The following OSR2 variants were observed in gnomAD, a reference collection of about 807,000 sequenced individuals.
OSR2 encodes the protein odd-skipped related transciption factor 2, also known as protein odd-skipped-related 2.
A neutral mutation model predicts 22.3 loss-of-function variants in OSR2; 8 were observed. That is an observed-to-expected ratio of 0.36 (90% CI 0.21 to 0.65). The LOEUF (loss-of-function observed/expected upper bound fraction) is 0.65, where lower values mean the gene tolerates loss of function less well. Among genes scored for constraint, OSR2 ranks in the 30% least tolerant of loss-of-function variants. OSR2 has a pLI of 0.66. For missense variants in OSR2, 311 were observed against 413.4 expected (o/e 0.75, Z 2.15); for synonymous variants, 179 against 173.8 (o/e 1.03, Z -0.23).
rs1367570353 is a variant in OSR2 at position 98,948,337 on chromosome 8, G to T, written c.-114-502G>T. On this transcript the variant is annotated intron_variant, in intron 1 of 3. Coordinates refer to ENST00000297565, the MANE Select transcript of OSR2 (RefSeq NM_001142462.3). The surrounding 1 kb of genome is among the most constrained non-coding windows in gnomAD (Gnocchi z 6.0). ...AGCGCGGGAAAGGCGGCCACAGGGCGCGGCGGCAGCGCAGCGCGTGGGATC... is the reference window on the plus strand; with the variant it reads ...AGCGCGGGAAAGGCGGCCACAGGGCTCGGCGGCAGCGCAGCGCGTGGGATC... The T allele has an allele frequency of 2.6e-6, 4 of 1,522,644 alleles. No individual in the cohort carries two copies. The highest frequency in any genetic ancestry group is 3.5e-6 in the Non-Finnish European group (4 of 1,139,186). 94.3% of individuals were successfully genotyped at this position (1,522,644 alleles called of 1,614,324 possible). A position where few individuals can be genotyped will look rare whatever the true frequency, so the allele number is the denominator to read the frequency against.
intron 1 of OSR2, among the ~76,000 whole-genome samples, chr8:98,945,764 A>AT (rs1056665173): frequency 1.2e-4 from 18 of 151,864 alleles, no homozygotes; most frequent in South Asian, 2.1e-4. Context: ...TCCTTTAACA[A>AT]TTTTTTTTCT....
chr8:98,947,592 G>T (rs1201307271), intron 1 of OSR2, among the ~76,000 whole-genome samples: 1 of 152,202 alleles, frequency 6.6e-6, no homozygotes, highest in East Asian at 1.9e-4. Context: ...AGTGGGAGAA[G>T]GTGGGCCCGC....
At chr8:98,947,852 C>G (rs1840655190) in intron 1 of OSR2, among the ~76,000 whole-genome samples, 1 of 152,180 alleles carries the variant, frequency 6.6e-6, no homozygotes, top group African/African-American at 2.4e-5. Flanking sequence ...GCTCTCCTCT[C>G]TCCTCTCCCC....
rs1168126373 is a variant in OSR2 at position 98,951,995 on chromosome 8, T to C, written c.*294T>C. 2.5e-5 allele frequency: 7 copies of C among 280,290 alleles called. No homozygotes were observed. The highest frequency in any genetic ancestry group is 4.0e-5 in the Non-Finnish European group (6 of 150,582). The allele number at this position is 280,290 out of a possible 1,614,324, so 17.4% of individuals were successfully genotyped here. Reference sequence around the variant, plus strand: ...TGGGTCTTTGTTTTGTTGTTTTGTTTGCTTTGGGATCTTGTTGGATGCACT... The same window carrying C: ...TGGGTCTTTGTTTTGTTGTTTTGTTCGCTTTGGGATCTTGTTGGATGCACT... On this transcript the variant is annotated 3_prime_UTR_variant, in exon 4 of 4. Transcript: ENST00000297565.
Position 98,951,719 on chromosome 8 carries a change from C to G in OSR2, c.*18C>G. The G allele has an allele frequency of 6.3e-7, 1 of 1,598,964 alleles. No homozygotes were observed. On this transcript the variant is annotated 3_prime_UTR_variant, in exon 4 of 4. Coordinates refer to ENST00000297565, the MANE Select transcript of OSR2 (RefSeq NM_001142462.3). Reference sequence around the variant, plus strand: ...ACTTCTAGAGAAGCCCAGGATCTGTCCCGTGCCGCCGCTGCTCCCCTCCCC... The same window carrying G: ...ACTTCTAGAGAAGCCCAGGATCTGTGCCGTGCCGCCGCTGCTCCCCTCCCC...
rs778066542 is a variant in OSR2, at chr8:98,949,014, A to T, written c.62A>T (p.Tyr21Phe). ...CACCCGTCGCTGCAGCTCACCAATTACTCCTTCCTGCAGGCCGTGAACACC... is the reference window on the plus strand; with the variant it reads ...CACCCGTCGCTGCAGCTCACCAATTTCTCCTTCCTGCAGGCCGTGAACACC... ...PLHPSLQLTNYSFLQAVNTFP... is the reference protein window; with the variant it reads ...PLHPSLQLTNFSFLQAVNTFP... The change falls in exon 2 of 4, where the codon TAC becomes TTC. Residue 21 changes from tyrosine to phenylalanine, a missense_variant. Physicochemically the swap from Tyr to Phe is conservative, Grantham distance 22 (BLOSUM62 3). Transcript: ENST00000297565. This position sits in a 1 kb window ranked among gnomAD's most constrained non-coding sequence, Gnocchi z 5.9. 3 of 1,613,102 alleles carry T rather than the reference A, an allele frequency of 1.9e-6. No individual in the cohort carries two copies. Among genetic ancestry groups the T allele is most frequent in the Non-Finnish European group, 2.5e-6 (3 of 1,179,740 alleles).
Position 98,949,187 on chromosome 8 carries a change from G to A in OSR2, c.235G>A (p.Val79Met). 2 of 1,594,674 alleles carry A rather than the reference G, an allele frequency of 1.3e-6. No homozygotes were observed. The highest frequency in any genetic ancestry group is 8.5e-7 in the Non-Finnish European group (1 of 1,169,942). The change falls in exon 2 of 4, where the codon GTG becomes ATG. Residue 79 changes from valine to methionine, a missense_variant. Val to Met is a conservative substitution (Grantham distance 21). Coordinates refer to ENST00000297565, the MANE Select transcript of OSR2 (RefSeq NM_001142462.3). This position sits in a 1 kb window ranked among gnomAD's most constrained non-coding sequence, Gnocchi z 5.9. ...ITEMAAAQGL[V>M]DARFPFPALP... ...GGAGATGGCGGCGGCGCAGGGCCTC[G>A]TGGACGCGCGCTTCCCCTTCCCGGC...
At position 98,948,317 on chromosome 8, in the gene OSR2, G is replaced by T; in HGVS notation, c.-114-522G>T. ...GCCGGCTTGCCATCCGGGTAAGCGC[G>T]GGAAAGGCGGCCACAGGGCGCGGCG... On this transcript the variant is annotated intron_variant, in intron 1 of 3. Coordinates refer to ENST00000297565, the MANE Select transcript of OSR2 (RefSeq NM_001142462.3). The surrounding 1 kb of genome is among the most constrained non-coding windows in gnomAD (Gnocchi z 6.0). The T allele has an allele frequency of 1.3e-6, 2 of 1,524,668 alleles. No individual in the cohort carries two copies. The highest frequency in any genetic ancestry group is 1.8e-6 in the Non-Finnish European group (2 of 1,140,244). The allele number at this position is 1,524,668 out of a possible 1,614,324, so 94.4% of individuals were successfully genotyped here. A position where few individuals can be genotyped will look rare whatever the true frequency, so the allele number is the denominator to read the frequency against.
chr8:98,947,257 A>G (rs1478308628), intron 1 of OSR2, among the ~76,000 whole-genome samples: 2 of 151,908 alleles, frequency 1.3e-5, no homozygotes, highest in Non-Finnish European at 2.9e-5. Flanking sequence ...GAGCCCTTCC[A>G]GAGGAAGGTG....
Position 98,949,600 on chromosome 8 carries a change from G to A in OSR2, c.648G>A (p.Arg216=). 6.2e-7 allele frequency: 1 copy of A among 1,609,404 alleles called. No individual in the cohort carries two copies. Among genetic ancestry groups the A allele is most frequent in the Non-Finnish European group, 8.5e-7 (1 of 1,176,674 alleles). ...CCTTCCGGAGGCAAGATCACCTGCG[G>A]GATCACAGGTGAGGCGGGCAAGGAG... is the stretch of plus-strand genomic sequence containing the variant. The part of the protein sequence containing the change: ...HKAFRRQDHL[R]DHRYIHSKEK... The change falls in exon 2 of 4, where the codon CGG becomes CGA. Residue 216 remains arginine (R), a synonymous_variant. Transcript: ENST00000297565. The surrounding 1 kb of genome is among the most constrained non-coding windows in gnomAD (Gnocchi z 5.9).
Position 98,949,477 on chromosome 8 carries a change from G to A in OSR2, c.525G>A (p.Lys175=). 6.2e-7 allele frequency: 1 copy of A among 1,614,066 alleles called. No individual in the cohort carries two copies. Among genetic ancestry groups the A allele is most frequent in the Non-Finnish European group, 8.5e-7 (1 of 1,179,900 alleles). The change falls in exon 2 of 4, where the codon AAG becomes AAA. Residue 175 remains lysine, a synonymous_variant. Coordinates refer to ENST00000297565, the MANE Select transcript of OSR2 (RefSeq NM_001142462.3). The surrounding 1 kb of genome is among the most constrained non-coding windows in gnomAD (Gnocchi z 5.9). Reference sequence around the variant, plus strand: ...AAACGAAAAAAGAGTTTATCTGCAAGTTTTGCGGCAGACACTTTACCAAAT... The same window carrying A: ...AAACGAAAAAAGAGTTTATCTGCAAATTTTGCGGCAGACACTTTACCAAAT... ...PSKTKKEFIC[K]FCGRHFTKSY...
In OSR2 at chr8:98,948,549, G is replaced by A; in HGVS notation, c.-114-290G>A. On this transcript the variant is annotated intron_variant, in intron 1 of 3. Transcript: ENST00000297565. This position sits in a 1 kb window ranked among gnomAD's most constrained non-coding sequence, Gnocchi z 6.0. ...CCGGCTGTCCGCCTTTCGTTTTCCT[G>A]GGACCGAGGAGTCTTCCGCTCCGTA... 7.7e-7 allele frequency: 1 copy of A among 1,291,172 alleles called. No homozygotes were observed. Among genetic ancestry groups the A allele is most frequent in the Non-Finnish European group, 1.0e-6 (1 of 975,534 alleles). The allele number at this position is 1,291,172 out of a possible 1,614,324, so 80.0% of individuals were successfully genotyped here. A position where few individuals can be genotyped will look rare whatever the true frequency, so the allele number is the denominator to read the frequency against.
In OSR2 at chr8:98,949,274, G is replaced by A. The variant is rs1289273506; in HGVS notation, c.322G>A (p.Ala108Thr). The A allele has an allele frequency of 6.2e-7, 1 of 1,612,630 alleles. No individual in the cohort carries two copies. Among genetic ancestry groups the A allele is most frequent in the Non-Finnish European group, 8.5e-7 (1 of 1,179,120 alleles). Residue 108 changes from alanine (A) to threonine (T), a missense_variant, in exon 2 of 4, where the codon GCC becomes ACC. Transcript: ENST00000297565. The surrounding 1 kb of genome is among the most constrained non-coding windows in gnomAD (Gnocchi z 5.9). ...KQGAIAHVLPALHKDRPRFDF... is the reference protein window; with the variant it reads ...KQGAIAHVLPTLHKDRPRFDF... Reference sequence around the variant, plus strand: ...GGGGGCCATTGCCCACGTCCTCCCAGCCCTGCACAAGGACCGGCCCCGTTT... The same window carrying A: ...GGGGGCCATTGCCCACGTCCTCCCAACCCTGCACAAGGACCGGCCCCGTTT...
Position 98,951,836 on chromosome 8 carries a change from C to G in OSR2, c.*135C>G, listed in dbSNP as rs1840793023. 1 of 816,898 alleles carries G rather than the reference C, an allele frequency of 1.2e-6. No homozygotes were observed. Among genetic ancestry groups the G allele is most frequent in the African/African-American group, 1.7e-5 (1 of 58,014 alleles). 50.6% of individuals were successfully genotyped at this position (816,898 alleles called of 1,614,324 possible). On this transcript the variant is annotated 3_prime_UTR_variant, in exon 4 of 4. Coordinates refer to ENST00000297565, the MANE Select transcript of OSR2 (RefSeq NM_001142462.3). ...CCTTGCTGCAGCCGCACCTGCAGCT[C>G]CAGGGAGTTAACTCTTCTTCTGGGG...
At position 98,950,657 on chromosome 8, in the gene OSR2, T is replaced by C. The variant is rs983224651; in HGVS notation, c.658T>C (p.Tyr220His). 1 of 1,602,480 alleles carries C rather than the reference T, an allele frequency of 6.2e-7. No individual in the cohort carries two copies. The highest frequency in any genetic ancestry group is 1.3e-5 in the African/African-American group (1 of 74,786). The change falls in exon 3 of 4, where the codon TAC becomes CAC. Residue 220 changes from tyrosine (Y) to histidine (H), a missense_variant and splice_region_variant. Physicochemically the swap from Tyr to His is moderately conservative, Grantham distance 83. Transcript: ENST00000297565. ...ATGAAACCTTATATTGATTTTCAGA[T>C]ACATCCATTCCAAAGAAAAACCCTT... ...RRQDHLRDHR[Y>H]IHSKEKPFKC...
chr8:98,950,646 T>C lies in OSR2; in HGVS notation c.657-10T>C. ...AAGTTATTTCAATGAAACCTTATAT[T>C]GATTTTCAGATACATCCATTCCAAA... On this transcript the variant is annotated splice_polypyrimidine_tract_variant and intron_variant, in intron 2 of 3. Coordinates refer to ENST00000297565, the MANE Select transcript of OSR2 (RefSeq NM_001142462.3). 1 of 1,580,480 alleles carries C rather than the reference T, an allele frequency of 6.3e-7. No individual in the cohort carries two copies. Among genetic ancestry groups the C allele is most frequent in the Non-Finnish European group, 8.7e-7 (1 of 1,152,468 alleles).
Position 98,947,045 on chromosome 8 carries a change from G to A in OSR2, c.-114-1794G>A, listed in dbSNP as rs184771591. Among the ~76,000 whole-genome samples, 462 of 151,966 alleles carry A rather than the reference G, an allele frequency of 3.0e-3. 2 individuals carry two copies. The highest frequency in any genetic ancestry group is 0.014 in the Middle Eastern group (4 of 294). On this transcript the variant is annotated intron_variant, in intron 1 of 3. Coordinates refer to ENST00000297565, the MANE Select transcript of OSR2 (RefSeq NM_001142462.3). Reference sequence around the variant, plus strand: ...AATGTTAGTAGAATCCTTTTCCCCTGCCTCCCTAAGAGACTTGCCACCGAG... The same window carrying A: ...AATGTTAGTAGAATCCTTTTCCCCTACCTCCCTAAGAGACTTGCCACCGAG...
intron 1 of OSR2, among the ~76,000 whole-genome samples, chr8:98,947,536 C>A (rs997834221): frequency 6.6e-6 from 1 of 152,144 alleles, no homozygotes; most frequent in Non-Finnish European, 1.5e-5. Context: ...GAGGGAAGGC[C>A]CTGGTCCCCC....
At chr8:98,950,401 G>T (rs930400513) in intron 2 of OSR2, among the ~76,000 whole-genome samples, 1 of 152,148 alleles carries the variant, frequency 6.6e-6, no homozygotes, top group African/African-American at 2.4e-5. Flanking sequence ...GGCCCGTTCA[G>T]CGGGGTTTCG....
Sources: gnomAD v4.1 joint callset for allele counts (sites outside exome capture counted in the v4.1 genomes callset) on GRCh38, gnomAD v4.1.1 for gene constraint, Gnocchi (gnomAD v3.1) non-coding constraint, MANE v1.5 for transcripts, NCBI Gene and HGNC (gene_info 2026-07-23, HGNC 2026-07-21) for gene names.